The following DZIP1L variants were observed in gnomAD, a reference collection of about 807,000 sequenced individuals.
DZIP1L encodes cilium assembly protein DZIP1L.
In DZIP1L, 90 loss-of-function variants were observed where a neutral mutation model predicts 88.7. That is an observed-to-expected ratio of 1.02 (90% CI 0.86 to 1.21). The LOEUF (loss-of-function observed/expected upper bound fraction) is 1.21. Among genes scored for constraint, DZIP1L ranks in the 50% most tolerant of loss-of-function variants. The pLI, the probability that DZIP1L is intolerant of heterozygous loss-of-function variation, is 0.00. For synonymous variants in DZIP1L, 363 were observed against 372.1 expected (o/e 0.98, Z 0.28); for missense variants, 932 against 955.8 (o/e 0.98, Z 0.33).
chr3:138,114,930 C>T lies in DZIP1L; in HGVS notation c.-82+398G>A, dbSNP rs558578760. Among the ~76,000 whole-genome samples the T allele has an allele frequency of 6.7e-4, 102 of 152,362 alleles. 1 individual carries two copies. In the South Asian group the frequency reaches 0.015, roughly 23 times the overall value. ...AAATCACCTCATTACTAAAAGAATC[C>T]TCCTTTACCTACGGCACTCAGATCA... On this transcript the variant is annotated intron_variant, in intron 1 of 15. Transcript: ENST00000327532.
At chr3:138,105,280 T>C (rs2042450126) in intron 1 of DZIP1L, among the ~76,000 whole-genome samples, 1 of 151,956 alleles carries the variant, frequency 6.6e-6, no homozygotes, top group Non-Finnish European at 1.5e-5. Flanking sequence ...TGGGGATAAA[T>C]AAATGGATGG....
chr3:138,091,994 A>C (rs1944256944), intron 5 of DZIP1L, among the ~76,000 whole-genome samples: 1 of 152,230 alleles, frequency 6.6e-6, no homozygotes, highest in African/African-American at 2.4e-5. Flanking sequence ...TTTCTTGTCC[A>C]GTGATGAAAG....
rs868711114 is a variant in DZIP1L, at chr3:138,115,534, C to G, written c.-288G>C. The G allele has an allele frequency of 6.6e-6, 1 of 152,252 alleles. No individual in the cohort carries two copies. Among genetic ancestry groups the G allele is most frequent in the Non-Finnish European group, 1.5e-5 (1 of 68,084 alleles). 9.4% of individuals were successfully genotyped at this position (152,252 alleles called of 1,614,324 possible). Reference sequence around the variant, plus strand: ...CTCTGCGGCGGAGGCAGAGCCTGCCCGGCCCACTCCAGTGCCGCCAACCTG... The same window carrying G: ...CTCTGCGGCGGAGGCAGAGCCTGCCGGGCCCACTCCAGTGCCGCCAACCTG... On this transcript the variant is annotated 5_prime_UTR_variant, in exon 1 of 16. Transcript: ENST00000327532.
intron 7 of DZIP1L, 85 bp from the exon 8 acceptor site, chr3:138,084,338 A>G: frequency 6.6e-7 from 1 of 1,516,310 alleles, no homozygotes; most frequent in Non-Finnish European, 8.8e-7. Flanking sequence ...ACCTGTAGGC[A>G]AGTGCCAGGC....
rs889150938 is a variant in DZIP1L, at chr3:138,070,046, G to A, written c.1615+1597C>T. On this transcript the variant is annotated intron_variant, in intron 12 of 15. Coordinates refer to ENST00000327532, the MANE Select transcript of DZIP1L (RefSeq NM_173543.3). The stretch of plus-strand genomic sequence containing the variant: ...GGAACAAAGGTGTGTGGGAGTGGGT[G>A]GGGCGTAGCACCTAGAAGGAGCAAG... 1.4e-4 allele frequency among the ~76,000 whole-genome samples: 21 copies of A among 152,158 alleles called. 1 individual carries two copies. The highest frequency in any genetic ancestry group is 5.1e-4 in the African/African-American group (21 of 41,424).
intron 1 of DZIP1L, among the ~76,000 whole-genome samples, chr3:138,110,633 T>C (rs974895864): frequency 9.2e-5 from 14 of 152,148 alleles, no homozygotes; most frequent in African/African-American, 3.4e-4. Context: ...CAACAAATGA[T>C]TCCTGAGGCC....
chr3:138,101,547 C>G (rs895530226), intron 2 of DZIP1L: 4 of 793,992 alleles, frequency 5.0e-6, no homozygotes, highest in African/African-American at 3.3e-5. Flanking sequence ...TCTTCACAAC[C>G]ACAGTGGCCC....
At chr3:138,101,843 T>C (rs2042326350) in intron 2 of DZIP1L, 1 of 1,309,596 alleles carries the variant, frequency 7.6e-7, no homozygotes, top group Non-Finnish European at 1.1e-6. Context: ...ATGTCCTGCT[T>C]GGCCCGCTGC....
chr3:138,087,116 A>G (rs1216279134), intron 6 of DZIP1L, 93 bp from the exon 7 acceptor site: 3 of 1,114,626 alleles, frequency 2.7e-6, no homozygotes, highest in Non-Finnish European at 4.0e-6. Flanking sequence ...GCTCATGGGT[A>G]GGCAGACAGA....
At chr3:138,078,101 C>T (rs531302932) in intron 10 of DZIP1L, among the ~76,000 whole-genome samples, 2 of 152,334 alleles carry the variant, frequency 1.3e-5, no homozygotes, top group East Asian at 3.9e-4. Context: ...TTTTAACATA[C>T]TGAGATGATT....
In DZIP1L at chr3:138,095,000, AAG is replaced by A. The variant is rs879585424; in HGVS notation, c.587-19_587-18del. On this transcript the variant is annotated intron_variant, in intron 3 of 15. Transcript: ENST00000327532. ...TCTGTTTTCCTGTGGGGTCCACGCA[AAG>A]ACAGGTGACCAGTTTAAGTCCAAAA... 1 of 1,614,100 alleles carries A rather than the reference AAG, an allele frequency of 6.2e-7. No homozygotes were observed.
At chr3:138,102,331 T>C in intron 2 of DZIP1L, 1 of 1,286,692 alleles carries the variant, frequency 7.8e-7, no homozygotes, top group South Asian at 1.2e-5. Context: ...TCTTTCTCGA[T>C]GAAGGCAAAT....
intron 12 of DZIP1L, among the ~76,000 whole-genome samples, chr3:138,070,887 C>T (rs2107742262): frequency 6.6e-6 from 1 of 152,256 alleles, no homozygotes; most frequent in Admixed American, 6.5e-5. Context: ...CAGCCCAGAC[C>T]CTCTTGGAAC....
At position 138,103,963 on chromosome 3, in the gene DZIP1L, G is replaced by A. The variant is rs2107849526; in HGVS notation, c.9C>T (p.Ser3=). The A allele has an allele frequency of 3.1e-6, 5 of 1,610,552 alleles. No individual in the cohort carries two copies. Among genetic ancestry groups the A allele is most frequent in the Non-Finnish European group, 4.2e-6 (5 of 1,179,364 alleles). The change falls in exon 2 of 16, where the codon TCC becomes TCT. Residue 3 remains serine, a synonymous_variant. Transcript: ENST00000327532. MQ[S]PAATAEGLSG... is the part of the protein sequence containing the mutation. ...TGAGGCCCTCAGCAGTGGCAGCTGG[G>A]GACTGCATGGGCAGAGGAAGCCCTG...
Position 138,103,588 on chromosome 3 carries a change from CT to C in DZIP1L, c.383del (p.Glu128GlyfsTer22), listed in dbSNP as rs2042390207. On this transcript the variant is annotated frameshift_variant, in exon 2 of 16. Transcript: ENST00000327532. LOFTEE classifies it high-confidence loss of function. The part of the protein sequence containing the change: ...SLGQQQRGQQ[E>X]LGRQADELKG... ...TGAGCTCGTCAGCCTGGCGTCCCAG[CT>C]CCTGCTGACCACGCTGCTGCTGGCC... The C allele has an allele frequency of 3.7e-6, 6 of 1,607,466 alleles. No individual in the cohort carries two copies. The East Asian group carries it at 1.3e-4, about 36-fold the overall frequency.
Position 138,077,629 on chromosome 3 carries a change from A to G in DZIP1L, c.1292T>C (p.Met431Thr). 1 of 1,614,050 alleles carries G rather than the reference A, an allele frequency of 6.2e-7. No individual in the cohort carries two copies. Among genetic ancestry groups the G allele is most frequent in the Non-Finnish European group, 8.5e-7 (1 of 1,179,988 alleles). Residue 431 changes from methionine to threonine, a missense_variant, in exon 11 of 16, where the codon ATG becomes ACG. Transcript: ENST00000327532. ...GTGCTGTTCATCCTGGGAGTCCTCC[A>G]TCTCTGTAGCATGAGACATTCACCC... Reference protein sequence around the residue: ...DTEEDSPEEEMEDSQDEQHKV... With the variant: ...DTEEDSPEEETEDSQDEQHKV...
At chr3:138,090,671 A>G (rs957635295) in intron 5 of DZIP1L, among the ~76,000 whole-genome samples, 18 of 152,162 alleles carry the variant, frequency 1.2e-4, no homozygotes, top group Non-Finnish European at 2.6e-4. Context: ...CTCCAGGCAT[A>G]TGACAATTTC....
chr3:138,074,395 G>A (rs1446308717), intron 11 of DZIP1L, among the ~76,000 whole-genome samples: 2 of 152,142 alleles, frequency 1.3e-5, no homozygotes, highest in African/African-American at 4.8e-5. Flanking sequence ...AGGGATTGGG[G>A]TCCTATTCTT....
At chr3:138,113,104 C>T (rs1241391516) in intron 1 of DZIP1L, among the ~76,000 whole-genome samples, 2 of 152,180 alleles carry the variant, frequency 1.3e-5, no homozygotes, top group Non-Finnish European at 2.9e-5. Flanking sequence ...AACATTCAAA[C>T]TTGCTTCATT....
Sources: gnomAD v4.1 joint callset for allele counts (sites outside exome capture counted in the v4.1 genomes callset) on GRCh38, gnomAD v4.1.1 for gene constraint, MANE v1.5 for transcripts, NCBI Gene and HGNC (gene_info 2026-07-23, HGNC 2026-07-21) for gene names.